The following KIF23 variants were observed in gnomAD, a reference collection of about 807,000 sequenced individuals.
The protein encoded by KIF23 is kinesin family member 23.
In KIF23, 30 loss-of-function variants were observed where a neutral mutation model predicts 137.5. That is an observed-to-expected ratio of 0.22 (90% CI 0.16 to 0.30). The LOEUF is 0.30. Ranked by LOEUF, KIF23 falls within the 10% of genes least tolerant of loss-of-function variation. KIF23 has a pLI of 1.00. For missense variants in KIF23, 920 were observed against 1,194.3 expected, an observed-to-expected ratio of 0.77 and a Z score of 3.38; for synonymous variants, 367 against 391.1, an observed-to-expected ratio of 0.94 and a Z score of 0.73.
chr15:69,414,705 G>T (rs1016027189), intron 1 of KIF23: 44 of 426,080 alleles, frequency 1.0e-4, no homozygotes, highest in Non-Finnish European at 1.5e-4. Context: ...GCCCCGCCTG[G>T]GCCTCCAAGG....
chr15:69,421,436 C>T (rs902832100), intron 3 of KIF23, among the ~76,000 whole-genome samples: 9 of 152,096 alleles, frequency 5.9e-5, no homozygotes, highest in African/African-American at 9.7e-5. Flanking sequence ...TGACTGAAAA[C>T]GTTTACCAGT....
intron 1 of KIF23, 41 bp downstream of exon 1, chr15:69,414,517 G>C (rs1321368108): frequency 3.2e-6 from 5 of 1,545,938 alleles, no homozygotes; most frequent in Middle Eastern, 2.1e-4. Flanking sequence ...GGGCGGACGG[G>C]GGCCGAGGCC....
chr15:69,419,040 C>T (rs1429350765), intron 3 of KIF23, among the ~76,000 whole-genome samples: 1 of 152,154 alleles, frequency 6.6e-6, no homozygotes, highest in Non-Finnish European at 1.5e-5. Flanking sequence ...TCACTTGAAC[C>T]CAGGAGGCGG....
Position 69,415,922 on chromosome 15 carries a change from G to A in KIF23, c.12-72G>A, listed in dbSNP as rs969107298. ...CAGATAACCTAGAAAGATTGTATAA[G>A]TTTTAGGTGAGGCTTTTGTATTCGT... On this transcript the variant is annotated intron_variant, in intron 1 of 23. Coordinates refer to ENST00000679126, the MANE Select transcript of KIF23 (RefSeq NM_001367805.3). The A allele has an allele frequency of 9.1e-6, 10 of 1,101,442 alleles. No individual in the cohort carries two copies. In the African/African-American group the frequency reaches 1.5e-4, roughly 16 times the overall value. 68.2% of individuals were successfully genotyped at this position (1,101,442 alleles called of 1,614,324 possible).
At chr15:69,433,969 G>A (rs1409636892) in intron 11 of KIF23, among the ~76,000 whole-genome samples, 1 of 152,144 alleles carries the variant, frequency 6.6e-6, no homozygotes, top group African/African-American at 2.4e-5. Flanking sequence ...GGAGTACTCT[G>A]TAAACACAGC....
rs372880878 is a variant in KIF23, at chr15:69,422,432, G to A, written c.560G>A (p.Ser187Asn). The A allele has an allele frequency of 1.5e-5, 23 of 1,557,392 alleles. No individual in the cohort carries two copies. In the Middle Eastern group the frequency reaches 8.4e-4, roughly 57 times the overall value. The change falls in exon 6 of 24, where the codon AGC (serine) becomes AAC (asparagine). Residue 187 changes from serine (S) to asparagine (N), a missense_variant. Ser to Asn is a conservative substitution (Grantham distance 46, BLOSUM62 1). Coordinates refer to ENST00000679126, the MANE Select transcript of KIF23 (RefSeq NM_001367805.3). Reference sequence around the variant, plus strand: ...ATGCCCAATCCAAAGACTTCTTCTAGCAAGTAAGTAATTATATTTGTCTGC... The same window carrying A: ...ATGCCCAATCCAAAGACTTCTTCTAACAAGTAAGTAATTATATTTGTCTGC... ...EAMPNPKTSS[S>N]KRQVDPEFAD...
At chr15:69,420,019 C>T (rs962390120) in intron 3 of KIF23, among the ~76,000 whole-genome samples, 12 of 152,126 alleles carry the variant, frequency 7.9e-5, no homozygotes, top group African/African-American at 2.9e-4. Flanking sequence ...AATCCCAGCA[C>T]TTTGGGAGGC....
chr15:69,442,104 T>C (rs1467643803), intron 19 of KIF23, among the ~76,000 whole-genome samples: 1 of 152,168 alleles, frequency 6.6e-6, no homozygotes, highest in Non-Finnish European at 1.5e-5. Flanking sequence ...ATGCATTGCA[T>C]ATCATGATTA....
At chr15:69,438,432 T>C (rs1490801533) in intron 16 of KIF23, 27 bp downstream of exon 16, 3 of 1,581,020 alleles carry the variant, frequency 1.9e-6, no homozygotes, top group Non-Finnish European at 2.6e-6. Context: ...TTATGATAGA[T>C]GTATGTGCTG....
chr15:69,435,937 G>A (rs1452147251), intron 13 of KIF23, among the ~76,000 whole-genome samples, 166 bp downstream of exon 13: 2 of 152,136 alleles, frequency 1.3e-5, no homozygotes, highest in Admixed American at 6.6e-5. Flanking sequence ...ATCCCAACAT[G>A]TTGGGAAGCT....
intron 14 of KIF23, 53 bp downstream of exon 14, chr15:69,436,314 C>CT: frequency 1.3e-6 from 2 of 1,553,790 alleles, no homozygotes; most frequent in Admixed American, 2.2e-5. Flanking sequence ...CTGTTTCTCT[C>CT]TTTTTTAAAA....
intron 11 of KIF23, among the ~76,000 whole-genome samples, chr15:69,433,619 CT>C (rs1259669790): frequency 1.3e-5 from 2 of 152,224 alleles, no homozygotes; most frequent in Non-Finnish European, 2.9e-5. Context: ...AACCACACCC[CT>C]CAAGCCTCAA....
In KIF23 at chr15:69,425,267, T is replaced by G. The variant is rs749960934; in HGVS notation, c.735-15T>G. On this transcript the variant is annotated splice_polypyrimidine_tract_variant and intron_variant, in intron 7 of 23. Transcript: ENST00000679126. ...TGCTGTAGAAACAGTAACTTCTACC[T>G]TATTCCTTTGGTAGGTGGAACAGTT... 126 of 1,535,142 alleles carry G rather than the reference T, an allele frequency of 8.2e-5. No homozygotes were observed. Among genetic ancestry groups the G allele is most frequent in the Admixed American group, 2.0e-4 (10 of 50,964 alleles).
chr15:69,446,566 C>A, intron 22 of KIF23: 1 of 623,884 alleles, frequency 1.6e-6, no homozygotes, highest in South Asian at 2.0e-5. Context: ...TGAGGAGAAT[C>A]TCTTGGAAAG....
Position 69,438,258 on chromosome 15 carries a change from T to C in KIF23, c.1608T>C (p.Phe536=). 6.2e-7 allele frequency: 1 copy of C among 1,602,924 alleles called. No homozygotes were observed. Among genetic ancestry groups the C allele is most frequent in the Non-Finnish European group, 8.5e-7 (1 of 1,177,180 alleles). Reference sequence around the variant, plus strand: ...ATGTTTTTGTTTCAGCTAATGCTTTTAAAGCTTTGTTACAAGAATTTGACA... The same window carrying C: ...ATGTTTTTGTTTCAGCTAATGCTTTCAAAGCTTTGTTACAAGAATTTGACA... ...IDEFNKQSNA[F]KALLQEFDNA... is the part of the protein sequence containing the mutation. Residue 536 remains phenylalanine, a synonymous_variant, in exon 16 of 24, where the codon TTT becomes TTC. Coordinates refer to ENST00000679126, the MANE Select transcript of KIF23 (RefSeq NM_001367805.3).
At chr15:69,445,749 A>G (rs911234675) in intron 20 of KIF23, among the ~76,000 whole-genome samples, 4 of 152,224 alleles carry the variant, frequency 2.6e-5, no homozygotes, top group African/African-American at 9.6e-5. Context: ...TAAATTACAG[A>G]TGGAGCAAAA....
At chr15:69,435,597 T>C in intron 12 of KIF23, 35 bp downstream of exon 12, 1 of 1,612,976 alleles carries the variant, frequency 6.2e-7, no homozygotes, top group East Asian at 2.2e-5. Flanking sequence ...TTTGTATAGT[T>C]TCATTTGTGT....
chr15:69,420,136 C>T (rs866409185), intron 3 of KIF23, among the ~76,000 whole-genome samples: 4 of 151,994 alleles, frequency 2.6e-5, no homozygotes, highest in Admixed American at 6.6e-5. Context: ...TGGAGGCATG[C>T]GCCTGTAATC....
At chr15:69,436,016 A>T (rs889342354) in intron 13 of KIF23, 122 bp from the exon 14 acceptor site, 4 of 1,341,602 alleles carry the variant, frequency 3.0e-6, no homozygotes, top group Non-Finnish European at 3.0e-6. Flanking sequence ...ATGCCACTGC[A>T]CTCCAGCCTG....
Sources: allele counts gnomAD v4.1 joint callset (sites outside exome capture counted in the v4.1 genomes callset), GRCh38; gene constraint gnomAD v4.1.1; transcripts MANE v1.5; gene names NCBI Gene and HGNC (gene_info 2026-07-23, HGNC 2026-07-21).